STK24: variants seen among roughly 807,000 people sequenced by gnomAD.
The protein encoded by STK24 is serine/threonine-protein kinase 24.
Under a neutral mutation model 55.6 loss-of-function variants are expected in STK24, and 21 were observed. That is an observed-to-expected ratio of 0.38 (90% CI 0.27 to 0.54). The LOEUF (loss-of-function observed/expected upper bound fraction) is 0.54, where lower values mean the gene tolerates loss of function less well. Among genes scored for constraint, STK24 ranks in the 20% least tolerant of loss-of-function variants. STK24 has a pLI of 0.79. For synonymous variants in STK24, 200 were observed against 215.2 expected (o/e 0.93, Z 0.62); for missense variants, 383 against 538.4 (o/e 0.71, Z 2.86).
At chr13:98,557,959 G>A (rs1897319163) in intron 1 of STK24, among the ~76,000 whole-genome samples, 1 of 152,122 alleles carries the variant, frequency 6.6e-6, no homozygotes, top group South Asian at 2.1e-4. Context: ...ACAGAGCTCA[G>A]CCATTGTTTC....
At chr13:98,518,948 A>G (rs549642415) in intron 2 of STK24, among the ~76,000 whole-genome samples, 1 of 145,526 alleles carries the variant, frequency 6.9e-6, no homozygotes. Flanking sequence ...AATTAGGTGA[A>G]TAACTGTTAT....
chr13:98,463,956 C>T, intron 6 of STK24, 120 bp from the exon 7 acceptor site: 3 of 1,156,868 alleles, frequency 2.6e-6, no homozygotes, highest in African/African-American at 1.5e-5. Context: ...GGACTCTCTA[C>T]TCCACAGCGC....
chr13:98,544,038 G>A (rs920503557), intron 1 of STK24, among the ~76,000 whole-genome samples: 3 of 152,196 alleles, frequency 2.0e-5, no homozygotes, highest in African/African-American at 7.2e-5. Context: ...GAGGCTTCTA[G>A]TAAAAGCCAT....
intron 2 of STK24, among the ~76,000 whole-genome samples, chr13:98,506,534 G>A (rs575091950): frequency 2.6e-5 from 4 of 152,270 alleles, no homozygotes; most frequent in Admixed American, 6.5e-5. Context: ...CTGCCCTGCC[G>A]AGCTCACAGG....
chr13:98,468,595 G>A (rs1228873467), intron 5 of STK24, among the ~76,000 whole-genome samples: 1 of 152,210 alleles, frequency 6.6e-6, no homozygotes, highest in Non-Finnish European at 1.5e-5. Flanking sequence ...ACCAACAGGT[G>A]GCTCTCAAGT....
At chr13:98,459,167 T>C (rs1893593918) in intron 9 of STK24, among the ~76,000 whole-genome samples, 1 of 152,068 alleles carries the variant, frequency 6.6e-6, no homozygotes, top group Admixed American at 6.5e-5. Context: ...GAGCACAGCC[T>C]GGAAATCCCA....
intron 2 of STK24, among the ~76,000 whole-genome samples, chr13:98,517,730 C>T (rs970338260): frequency 2.6e-5 from 4 of 152,226 alleles, no homozygotes; most frequent in Admixed American, 2.0e-4. Flanking sequence ...AAACTGGGTG[C>T]ACCACACAGC....
chr13:98,492,534 A>G (rs1352915763), intron 2 of STK24, among the ~76,000 whole-genome samples: 1 of 152,160 alleles, frequency 6.6e-6, no homozygotes, highest in Non-Finnish European at 1.5e-5. Flanking sequence ...TTTGCTCCGC[A>G]CAGCCCACCC....
At chr13:98,550,276 T>C (rs1594662310) in intron 1 of STK24, among the ~76,000 whole-genome samples, 2 of 152,236 alleles carry the variant, frequency 1.3e-5, no homozygotes, top group Non-Finnish European at 1.5e-5. Flanking sequence ...CAGTGGCTCA[T>C]GCCCATAATC....
intron 1 of STK24, among the ~76,000 whole-genome samples, chr13:98,569,746 T>C (rs1366480158): frequency 6.6e-6 from 1 of 151,452 alleles, no homozygotes; most frequent in Non-Finnish European, 1.5e-5. Context: ...ACAACATCTC[T>C]CTGCTGGGGG....
intron 1 of STK24, among the ~76,000 whole-genome samples, chr13:98,523,144 C>G (rs1288723514): frequency 6.6e-6 from 1 of 152,180 alleles, no homozygotes; most frequent in Non-Finnish European, 1.5e-5. Context: ...CCAGGGACCA[C>G]ACCTGGAGAA....
intron 5 of STK24, among the ~76,000 whole-genome samples, chr13:98,467,471 C>T (rs1342354306): frequency 6.6e-6 from 1 of 152,168 alleles, no homozygotes; most frequent in African/African-American, 2.4e-5. Flanking sequence ...CGGGGTACAA[C>T]TGACTGCCAG....
chr13:98,485,609 G>A (rs1566362367), intron 2 of STK24, among the ~76,000 whole-genome samples: 1 of 152,208 alleles, frequency 6.6e-6, no homozygotes. Flanking sequence ...GCAAGAAGGA[G>A]GTCTGCTTTG....
At position 98,457,237 on chromosome 13, in the gene STK24, T is replaced by C. The variant is rs771507258; in HGVS notation, c.1190A>G (p.Tyr397Cys). 5 of 1,613,498 alleles carry C rather than the reference T, an allele frequency of 3.1e-6. No homozygotes were observed. Among genetic ancestry groups the C allele is most frequent in the Non-Finnish European group, 4.2e-6 (5 of 1,180,026 alleles). The part of the protein sequence containing the change: ...GSIEELRGAI[Y>C]LAEEACPGIS... The stretch of plus-strand genomic sequence containing the variant: ...GCCAGGGCACGCCTCCTCCGCTAGG[T>C]AGATGGCCCCTCGCAGCTCTTCAAT... Residue 397 changes from tyrosine to cysteine, a missense_variant, in exon 10 of 11, where the codon TAC (tyrosine) becomes TGC (cysteine). Transcript: ENST00000539966.
chr13:98,511,954 G>A (rs955237559), intron 2 of STK24, among the ~76,000 whole-genome samples: 1 of 148,992 alleles, frequency 6.7e-6, no homozygotes, highest in African/African-American at 2.5e-5. Flanking sequence ...AGGCTGGAGT[G>A]CAGTGGTGTG....
chr13:98,560,733 T>C (rs1229504117), intron 1 of STK24, among the ~76,000 whole-genome samples: 5 of 150,834 alleles, frequency 3.3e-5, no homozygotes, highest in African/African-American at 1.2e-4. Flanking sequence ...ACAAAAAAAT[T>C]AGGTGGGCAT....
At chr13:98,548,744 C>G (rs1253603940) in intron 1 of STK24, among the ~76,000 whole-genome samples, 1 of 151,654 alleles carries the variant, frequency 6.6e-6, no homozygotes, top group African/African-American at 2.4e-5. Context: ...CACCTGTAAT[C>G]CCAGCTACTC....
At chr13:98,568,607 C>T (rs113431255) in intron 1 of STK24, among the ~76,000 whole-genome samples, 247 of 152,312 alleles carry the variant, frequency 1.6e-3, no homozygotes, top group African/African-American at 5.3e-3. Context: ...TGGCTCACAC[C>T]TGTAATCCCA....
At chr13:98,523,868 C>T (rs919836721) in intron 1 of STK24, among the ~76,000 whole-genome samples, 6 of 152,204 alleles carry the variant, frequency 3.9e-5, no homozygotes, top group Non-Finnish European at 7.3e-5. Flanking sequence ...ACTGCCCCAG[C>T]GGAGGCCCCG....
Sources: allele counts gnomAD v4.1 joint callset (sites outside exome capture counted in the v4.1 genomes callset), GRCh38; gene constraint gnomAD v4.1.1; transcripts MANE v1.5; gene names NCBI Gene and HGNC (gene_info 2026-07-23, HGNC 2026-07-21).